The following GAREM1 variants were observed in gnomAD, a reference collection of about 807,000 sequenced individuals.
GAREM1 encodes the protein GRB2-associated and regulator of MAPK protein 1.
Under a neutral mutation model 71.3 loss-of-function variants are expected in GAREM1, and 26 were observed. The ratio of observed to expected loss-of-function variants is 0.36; its 90% CI spans 0.27 to 0.51. The LOEUF (loss-of-function observed/expected upper bound fraction) is 0.51. GAREM1 is among the 20% of genes least tolerant of loss of function. The pLI is 0.95. For missense variants in GAREM1, 1,026 were observed against 1,103.1 expected (o/e 0.93, Z 0.99); for synonymous variants, 440 against 433.2 (o/e 1.02, Z -0.20).
intron 2 of GAREM1, among the ~76,000 whole-genome samples, chr18:32,319,259 G>A (rs1406035777): frequency 1.3e-5 from 2 of 152,224 alleles, no homozygotes; most frequent in African/African-American, 4.8e-5. Context: ...TCAAGTGACA[G>A]AAACAAGTAG....
chr18:32,329,746 A>G (rs980841927), intron 2 of GAREM1, among the ~76,000 whole-genome samples: 1 of 151,790 alleles, frequency 6.6e-6, no homozygotes, highest in Non-Finnish European at 1.5e-5. Context: ...CTAAAAAAAA[A>G]TAAGTTCCTG....
chr18:32,398,125 A>G (rs2048276325), intron 1 of GAREM1, among the ~76,000 whole-genome samples: 1 of 152,240 alleles, frequency 6.6e-6, no homozygotes, highest in Non-Finnish European at 1.5e-5. Flanking sequence ...ATGAGAACAA[A>G]GACACAACAT....
chr18:32,463,058 G>A (rs994938460), intron 1 of GAREM1, among the ~76,000 whole-genome samples: 12 of 150,236 alleles, frequency 8.0e-5, no homozygotes, highest in Admixed American at 3.3e-4. Flanking sequence ...CAAAATAGGT[G>A]GAAGAGAGGA....
chr18:32,288,764 A>G (rs2047051988), intron 3 of GAREM1, among the ~76,000 whole-genome samples: 1 of 152,164 alleles, frequency 6.6e-6, no homozygotes, highest in African/African-American at 2.4e-5. Flanking sequence ...AAAAAGAAAC[A>G]GAATTGATCC....
intron 1 of GAREM1, among the ~76,000 whole-genome samples, chr18:32,429,441 C>T (rs2048603700): frequency 6.6e-6 from 1 of 152,202 alleles, no homozygotes; most frequent in African/African-American, 2.4e-5. Context: ...CCCAGAATCA[C>T]TATTGTTAAT....
intron 2 of GAREM1, among the ~76,000 whole-genome samples, chr18:32,355,570 C>T (rs1276971084): frequency 6.6e-6 from 1 of 152,082 alleles, no homozygotes. Context: ...ATCAGACATA[C>T]TAGAAGTTTA....
intron 2 of GAREM1, among the ~76,000 whole-genome samples, chr18:32,350,201 CA>C (rs2047734023): frequency 6.6e-6 from 1 of 152,126 alleles, no homozygotes; most frequent in African/African-American, 2.4e-5. Flanking sequence ...ATGAGTCATT[CA>C]GAGGCTCTCT....
chr18:32,295,918 G>C (rs2047134714), intron 3 of GAREM1, among the ~76,000 whole-genome samples: 1 of 151,628 alleles, frequency 6.6e-6, no homozygotes, highest in South Asian at 2.1e-4. Context: ...TAGATGCTAG[G>C]CATCTAAATT....
At chr18:32,341,320 C>G (rs2047645338) in intron 2 of GAREM1, among the ~76,000 whole-genome samples, 1 of 152,128 alleles carries the variant, frequency 6.6e-6, no homozygotes, top group East Asian at 1.9e-4. Flanking sequence ...ATCCTTTTTT[C>G]TGGCTGCATA....
At chr18:32,401,407 G>T (rs773044483) in intron 1 of GAREM1, among the ~76,000 whole-genome samples, 2 of 151,774 alleles carry the variant, frequency 1.3e-5, no homozygotes, top group Non-Finnish European at 2.9e-5. Flanking sequence ...TAACTGCTAA[G>T]TTTTTTTAAG....
At chr18:32,369,134 C>T (rs1476787570) in intron 2 of GAREM1, among the ~76,000 whole-genome samples, 1 of 152,182 alleles carries the variant, frequency 6.6e-6, no homozygotes, top group Non-Finnish European at 1.5e-5. Flanking sequence ...TCAGAGACAT[C>T]CTGAGAGTGA....
intron 2 of GAREM1, among the ~76,000 whole-genome samples, chr18:32,351,572 AGAAGTATGTG>A (rs570787249): frequency 3.3e-5 from 5 of 152,216 alleles, no homozygotes; most frequent in Non-Finnish European, 7.3e-5. Context: ...TTTAACCAAG[AGAAGTATGTG>A]GATAATTACT....
rs916957110 is a variant in GAREM1 at position 32,287,204 on chromosome 18, G to A, written c.1393C>T (p.His465Tyr). ...ELWLEEGKPS[H>Y]QPLTRSLSEK... The stretch of plus-strand genomic sequence containing the variant: ...CTCAGAGAGCGAGTGAGAGGCTGAT[G>A]GCTGGGCTTGCCTTCCTCCAGCCAC... Residue 465 changes from histidine (H) to tyrosine (Y), a missense_variant, in exon 4 of 6, where the codon CAT (histidine) becomes TAT (tyrosine). By Grantham distance (83) the His-to-Tyr change is moderately conservative. Around this residue, in one of 3 missense-constraint regions of GAREM1, gnomAD observed 636 missense variants for 631.2 expected, o/e 1.01. Coordinates refer to ENST00000269209, the MANE Select transcript of GAREM1 (RefSeq NM_001242409.2). The surrounding 1 kb of genome is among the most constrained non-coding windows in gnomAD (Gnocchi z 5.9). 8 of 1,614,108 alleles carry A rather than the reference G, an allele frequency of 5.0e-6. No homozygotes were observed. The African/African-American group carries it at 1.1e-4, about 22-fold the overall frequency.
intron 2 of GAREM1, among the ~76,000 whole-genome samples, chr18:32,367,474 G>GA (rs1252959749): frequency 1.3e-5 from 2 of 152,078 alleles, no homozygotes; most frequent in African/African-American, 4.8e-5. Context: ...TAGCATCTAG[G>GA]AAAAATCCAA....
intron 3 of GAREM1, among the ~76,000 whole-genome samples, chr18:32,294,492 T>C (rs769841074): frequency 1.3e-5 from 2 of 152,232 alleles, no homozygotes; most frequent in Non-Finnish European, 2.9e-5. Flanking sequence ...ATTTTTTCTA[T>C]GGTTTGTAAT....
intron 4 of GAREM1, among the ~76,000 whole-genome samples, chr18:32,283,571 TA>T: frequency 6.6e-6 from 1 of 151,652 alleles, no homozygotes; most frequent in Non-Finnish European, 1.5e-5. Context: ...AAAAAAAGCA[TA>T]AAAAATTATT....
intron 2 of GAREM1, among the ~76,000 whole-genome samples, chr18:32,377,415 G>A (rs565514443): frequency 1.3e-5 from 2 of 152,234 alleles, no homozygotes; most frequent in South Asian, 2.1e-4. Flanking sequence ...CTTATTGGGC[G>A]AGTGAGGCAC....
intron 2 of GAREM1, among the ~76,000 whole-genome samples, chr18:32,317,305 T>C (rs2144531435): frequency 6.7e-6 from 1 of 148,938 alleles, no homozygotes; most frequent in East Asian, 2.0e-4. Context: ...CTTGGGAGGC[T>C]GAGGCAGAAG....
chr18:32,288,371 TA>T (rs1417562069), intron 3 of GAREM1, among the ~76,000 whole-genome samples, 168 bp from the exon 4 acceptor site: 2 of 152,296 alleles, frequency 1.3e-5, no homozygotes, highest in South Asian at 4.1e-4. Flanking sequence ...TGATTAACAA[TA>T]ACTACTATTT....
Sources: gnomAD v4.1 joint callset for allele counts (sites outside exome capture counted in the v4.1 genomes callset) on GRCh38, gnomAD v4.1.1 for gene constraint, gnomAD v4.1.1 regional missense constraint, Gnocchi (gnomAD v3.1) non-coding constraint, MANE v1.5 for transcripts, NCBI Gene and HGNC (gene_info 2026-07-23, HGNC 2026-07-21) for gene names.